Variants in SCAF4 observed in about 807,000 individuals in gnomAD.
SCAF4 encodes the protein SR-related CTD associated factor 4.
A neutral mutation model predicts 129.8 loss-of-function variants in SCAF4; 25 were observed. The ratio of observed to expected loss-of-function variants is 0.19; its 90% CI spans 0.14 to 0.27. SCAF4 has a LOEUF of 0.27. SCAF4 is among the 10% of genes least tolerant of loss of function. The pLI, the probability that SCAF4 is intolerant of heterozygous loss-of-function variation, is 1.00. For missense variants in SCAF4, 1,246 were observed against 1,457.1 expected, an observed-to-expected ratio of 0.86 and a Z score of 2.36; for synonymous variants, 551 against 497.7, an observed-to-expected ratio of 1.11 and a Z score of -1.43.
At chr21:31,674,015 A>G (rs1371674372) in intron 19 of SCAF4, among the ~76,000 whole-genome samples, 2 of 152,210 alleles carry the variant, frequency 1.3e-5, no homozygotes, top group Admixed American at 6.5e-5. Flanking sequence ...GCATCTTATT[A>G]TAACAAGAGA....
At chr21:31,726,602 T>C (rs1275405058) in intron 1 of SCAF4, among the ~76,000 whole-genome samples, 1 of 151,816 alleles carries the variant, frequency 6.6e-6, no homozygotes, top group Non-Finnish European at 1.5e-5. Context: ...GAGGCGGAGG[T>C]TGCAATGGGT....
chr21:31,693,115 C>T (rs533598607), intron 12 of SCAF4, among the ~76,000 whole-genome samples, 179 bp downstream of exon 12: 6 of 152,088 alleles, frequency 3.9e-5, no homozygotes, highest in East Asian at 1.9e-4. Context: ...GTTTAAGGTA[C>T]GAAAGCAAAT....
chr21:31,726,518 A>G (rs145646630), intron 1 of SCAF4, among the ~76,000 whole-genome samples: 7 of 152,288 alleles, frequency 4.6e-5, no homozygotes, highest in Admixed American at 3.9e-4. Context: ...TTGAAAAATT[A>G]GCCAGGCATG....
chr21:31,719,942 C>A (rs897946684), intron 1 of SCAF4, among the ~76,000 whole-genome samples: 22 of 152,202 alleles, frequency 1.4e-4, no homozygotes, highest in African/African-American at 5.1e-4. Flanking sequence ...CACATTAGGT[C>A]ATTTTCCAAA....
chr21:31,691,337 T>C (rs765427689), intron 14 of SCAF4, among the ~76,000 whole-genome samples: 2 of 152,188 alleles, frequency 1.3e-5, no homozygotes, highest in Non-Finnish European at 2.9e-5. Context: ...AAAATCTTTT[T>C]GCAGTGCAAT....
chr21:31,717,353 A>G (rs1181265881), intron 1 of SCAF4, among the ~76,000 whole-genome samples: 3 of 152,128 alleles, frequency 2.0e-5, no homozygotes, highest in Admixed American at 6.5e-5. Flanking sequence ...AATTCCAAAC[A>G]CAAGTGGAGG....
intron 1 of SCAF4, among the ~76,000 whole-genome samples, chr21:31,721,747 G>A (rs542823384): frequency 9.0e-4 from 107 of 118,840 alleles, no homozygotes; most frequent in Non-Finnish European, 1.3e-3. Context: ...TTTTTTTTGA[G>A]ATGGAATCTC....
At chr21:31,719,957 C>T (rs190165692) in intron 1 of SCAF4, among the ~76,000 whole-genome samples, 8 of 152,338 alleles carry the variant, frequency 5.3e-5, no homozygotes, top group Admixed American at 2.6e-4. Flanking sequence ...TCCAAATGTA[C>T]TTCCCAAATC....
chr21:31,729,238 T>C (rs1218703960), intron 1 of SCAF4, among the ~76,000 whole-genome samples: 2 of 152,204 alleles, frequency 1.3e-5, no homozygotes, highest in African/African-American at 4.8e-5. Flanking sequence ...TCCAGTAGCC[T>C]TCAGAATCAA....
intron 5 of SCAF4, 136 bp downstream of exon 5, chr21:31,702,104 GGAAA>G: frequency 7.5e-7 from 1 of 1,331,124 alleles, no homozygotes. Flanking sequence ...TAGGAATTAT[GGAAA>G]GAAAATCATA....
At position 31,700,182 on chromosome 21, in the gene SCAF4, TCACA is replaced by T. The variant is rs71193138; in HGVS notation, c.777+809_777+812del. ...AACTAAGGTTAAAATACACACACAC[TCACA>T]CACACACACACAAATAATATATAAT... is the stretch of plus-strand genomic sequence containing the variant. On this transcript the variant is annotated intron_variant, in intron 7 of 19. Transcript: ENST00000286835. Among the ~76,000 whole-genome samples, 25 of 148,468 alleles carry T rather than the reference TCACA, an allele frequency of 1.7e-4. No homozygotes were observed. The East Asian group carries it at 3.5e-3, about 21-fold the overall frequency.
intron 1 of SCAF4, among the ~76,000 whole-genome samples, chr21:31,711,927 T>C (rs2123635977): frequency 6.6e-6 from 1 of 152,300 alleles, no homozygotes; most frequent in Non-Finnish European, 1.5e-5. Context: ...ATGCTTTAAA[T>C]GACCCTACAA....
intron 15 of SCAF4, among the ~76,000 whole-genome samples, chr21:31,690,435 A>C (rs1469670761): frequency 6.6e-6 from 1 of 152,200 alleles, no homozygotes; most frequent in East Asian, 1.9e-4. Flanking sequence ...CAGTGACCCA[A>C]GATTGCATCA....
intron 1 of SCAF4, among the ~76,000 whole-genome samples, chr21:31,712,643 C>T (rs910925235): frequency 6.6e-6 from 1 of 151,726 alleles, no homozygotes; most frequent in African/African-American, 2.4e-5. Context: ...ACTCTCCTGC[C>T]TCAGCCTCCC....
intron 19 of SCAF4, among the ~76,000 whole-genome samples, chr21:31,682,785 C>T (rs2050026892): frequency 6.6e-6 from 1 of 152,242 alleles, no homozygotes; most frequent in Non-Finnish European, 1.5e-5. Context: ...GATTCCATCA[C>T]TTGTTATCCC....
chr21:31,695,203 C>T (rs964055143), intron 9 of SCAF4, among the ~76,000 whole-genome samples: 3 of 152,080 alleles, frequency 2.0e-5, no homozygotes, highest in Non-Finnish European at 4.4e-5. Flanking sequence ...AAATTATGAA[C>T]ACACAGGTTT....
chr21:31,672,278 A>G lies in SCAF4; in HGVS notation c.2565T>C (p.Gly855=). The G allele has an allele frequency of 6.2e-7, 1 of 1,613,938 alleles. No homozygotes were observed. Among genetic ancestry groups the G allele is most frequent in the Non-Finnish European group, 8.5e-7 (1 of 1,180,014 alleles). ...PSTGLLGARP[G]LIPLQRPPGM... Reference sequence around the variant, plus strand: ...CTGGAGGGCGCTGGAGTGGGATGAGACCGGGCCGGGCGCCAAGAAGACCAG... The same window carrying G: ...CTGGAGGGCGCTGGAGTGGGATGAGGCCGGGCCGGGCGCCAAGAAGACCAG... The change falls in exon 20 of 20, where the codon GGT becomes GGC. Residue 855 remains glycine, a synonymous_variant. Transcript: ENST00000286835.
intron 5 of SCAF4, 49 bp from the exon 6 acceptor site, chr21:31,701,967 G>T: frequency 6.3e-7 from 1 of 1,591,038 alleles, no homozygotes; most frequent in Non-Finnish European, 8.6e-7. Context: ...TAACCTACAA[G>T]TTTTCCTAAT....
Position 31,707,334 on chromosome 21 carries a change from C to T in SCAF4, c.31-977G>A, listed in dbSNP as rs559851630. Among the ~76,000 whole-genome samples, 6 of 152,262 alleles carry T rather than the reference C, an allele frequency of 3.9e-5. No homozygotes were observed. The South Asian group carries it at 1.2e-3, about 32-fold the overall frequency. ...CATCACTGCACTCCAGCCTGGGCAA[C>T]AGAGCAAGACTTTGTTTCCAAAAAA... On this transcript the variant is annotated intron_variant, in intron 1 of 19. Transcript: ENST00000286835.
Sources: allele counts gnomAD v4.1 joint callset (sites outside exome capture counted in the v4.1 genomes callset), GRCh38; gene constraint gnomAD v4.1.1; transcripts MANE v1.5; gene names NCBI Gene and HGNC (gene_info 2026-07-23, HGNC 2026-07-21).